The following CRNKL1 variants were observed in gnomAD, a reference collection of about 807,000 sequenced individuals.
CRNKL1 encodes crooked neck-like protein 1.
CRNKL1 carries 35 observed loss-of-function variants against 103.7 expected under a neutral mutation model. That is an observed-to-expected ratio of 0.34 (90% CI 0.26 to 0.45). CRNKL1 has a LOEUF of 0.45. Among genes scored for constraint, CRNKL1 ranks in the 20% least tolerant of loss-of-function variants. The pLI is 1.00. For synonymous variants in CRNKL1, 267 were observed against 282.6 expected (o/e 0.94, Z 0.55); for missense variants, 645 against 836.0 (o/e 0.77, Z 2.82).
At chr20:20,054,013 G>GT (rs1239349657), upstream of CRNKL1, among the ~76,000 whole-genome samples, 674 of 59,052 alleles carry the variant, frequency 0.011, no homozygotes, top group Middle Eastern at 0.036. Context: ...TTTTTTGTTT[G>GT]TTTTTTTTTT....
chr20:20,039,159 A>G (rs2043470908), intron 11 of CRNKL1, among the ~76,000 whole-genome samples: 1 of 152,202 alleles, frequency 6.6e-6, no homozygotes, highest in Non-Finnish European at 1.5e-5. Context: ...TTGTGGGTCA[A>G]GCTTAACTAC....
chr20:20,038,900 G>T (rs573929771), intron 11 of CRNKL1, among the ~76,000 whole-genome samples: 1 of 152,290 alleles, frequency 6.6e-6, no homozygotes, highest in Non-Finnish European at 1.5e-5. Context: ...CACTGGCTCG[G>T]TGCAGCCTGG....
At chr20:20,040,330 CAA>C (rs781058387) in intron 10 of CRNKL1, among the ~76,000 whole-genome samples, 9 of 79,240 alleles carry the variant, frequency 1.1e-4, no homozygotes, top group East Asian at 3.2e-4. Flanking sequence ...ACCAAACAAA[CAA>C]AAAAAAAAAA....
intron 8 of CRNKL1, among the ~76,000 whole-genome samples, chr20:20,042,023 A>G (rs1397908360): frequency 6.6e-6 from 1 of 152,240 alleles, no homozygotes; most frequent in Non-Finnish European, 1.5e-5. Flanking sequence ...AATCCAGGAA[A>G]CTATATTTCA....
In CRNKL1 at chr20:20,047,865, G is replaced by C; in HGVS notation, c.522C>G (p.Arg174=). Residue 174 remains arginine, a synonymous_variant, in exon 5 of 14, where the codon CGC becomes CGG. Coordinates refer to ENST00000536226, the MANE Select transcript of CRNKL1 (RefSeq NM_001278628.2). ...GCTCCTCAGGCTGCCACTCCATCCA[G>C]CGCTCAAACACCTGCCGGGCACCGG... ...NVAGARQVFE[R]WMEWQPEEQA... is the part of the protein sequence containing the mutation. The C allele has an allele frequency of 1.2e-6, 2 of 1,614,234 alleles. No individual in the cohort carries two copies.
chr20:20,040,825 T>A, intron 9 of CRNKL1, 59 bp from the exon 10 acceptor site: 1 of 1,191,096 alleles, frequency 8.4e-7, no homozygotes. Context: ...TTAAATTGAA[T>A]TAAAATTAAT....
At position 20,052,367 on chromosome 20, in the gene CRNKL1, A is replaced by G. The variant is rs1405698662; in HGVS notation, c.-25T>C. ...TGTCTGCAGCAGTCGACCTCTGGACACCTGTCCCCGGCACGGACGCTAGAA... is the reference window on the plus strand; with the variant it reads ...TGTCTGCAGCAGTCGACCTCTGGACGCCTGTCCCCGGCACGGACGCTAGAA... On this transcript the variant is annotated 5_prime_UTR_variant, in exon 1 of 14. Transcript: ENST00000536226. 2 of 1,613,972 alleles carry G rather than the reference A, an allele frequency of 1.2e-6. No homozygotes were observed. The highest frequency in any genetic ancestry group is 1.7e-5 in the Admixed American group (1 of 60,016).
Position 20,039,853 on chromosome 20 carries a change from A to G in CRNKL1, c.1306-5T>C. ...ACATTTGCCTATGGAAGTTCCCTGG[A>G]AAATAAAATAACCAGACCACTGTGA... On this transcript the variant is annotated splice_region_variant and splice_polypyrimidine_tract_variant and intron_variant, in intron 10 of 13. Transcript: ENST00000536226. 2 of 1,612,808 alleles carry G rather than the reference A, an allele frequency of 1.2e-6. No individual in the cohort carries two copies. The highest frequency in any genetic ancestry group is 1.7e-6 in the Non-Finnish European group (2 of 1,179,658).
At chr20:20,048,321 T>C (rs1402027937) in intron 4 of CRNKL1, 22 bp downstream of exon 4, 3 of 1,613,142 alleles carry the variant, frequency 1.9e-6, no homozygotes, top group Non-Finnish European at 2.5e-6. Context: ...TAAAAGGCTG[T>C]TTTGTTAGAT....
upstream of CRNKL1, chr20:20,052,538 C>T (rs1483334829): frequency 1.2e-6 from 2 of 1,614,226 alleles, no homozygotes; most frequent in South Asian, 1.1e-5. Context: ...GACCAGGCTG[C>T]GCGTCCTCCT....
intron 11 of CRNKL1, among the ~76,000 whole-genome samples, chr20:20,039,238 C>T (rs1457481047): frequency 6.6e-6 from 1 of 152,196 alleles, no homozygotes; most frequent in Non-Finnish European, 1.5e-5. Context: ...TTAGAGAATA[C>T]AGGGATGTGC....
upstream of CRNKL1, among the ~76,000 whole-genome samples, chr20:20,054,000 G>GTGT (rs1555825891): frequency 2.0e-5 from 2 of 99,432 alleles, no homozygotes; most frequent in African/African-American, 7.4e-5. Context: ...CTCTGTGTGT[G>GTGT]TTTTTTTTGT....
Position 20,037,199 on chromosome 20 carries a change from T to TA in CRNKL1, c.1896+123dup, listed in dbSNP as rs1418177380. On this transcript the variant is annotated intron_variant, in intron 13 of 13. Coordinates refer to ENST00000536226, the MANE Select transcript of CRNKL1 (RefSeq NM_001278628.2). ...TAACAGCCAGATTGCAACCATCTCCTACTCCAGGTGGTCTGCTTCCATTCT... is the reference window on the plus strand; with the variant it reads ...TAACAGCCAGATTGCAACCATCTCCTAACTCCAGGTGGTCTGCTTCCATTCT... The TA allele has an allele frequency of 3.0e-5, 34 of 1,144,750 alleles. No homozygotes were observed. The Admixed American group carries it at 7.5e-4, about 25-fold the overall frequency. 70.9% of individuals were successfully genotyped at this position (1,144,750 alleles called of 1,614,324 possible).
chr20:20,038,322 G>T, intron 12 of CRNKL1, 27 bp downstream of exon 12: 1 of 1,394,698 alleles, frequency 7.2e-7, no homozygotes, highest in Non-Finnish European at 9.9e-7. Flanking sequence ...CAAGCAAAAT[G>T]AAAGATCATC....
rs1188913656 is a variant in CRNKL1, at chr20:20,035,097, A to G, written c.*1098T>C. 6.6e-6 allele frequency: 1 copy of G among 152,190 alleles called. No individual in the cohort carries two copies. The highest frequency in any genetic ancestry group is 2.4e-5 in the African/African-American group (1 of 41,446). 9.4% of individuals were successfully genotyped at this position (152,190 alleles called of 1,614,324 possible). On this transcript the variant is annotated 3_prime_UTR_variant, in exon 14 of 14. Transcript: ENST00000536226. ...ATTCTTGTGCTACTCTTCATTATTTAGCATAGAGCTACCTTAGGTGTTTCT... is the reference window on the plus strand; with the variant it reads ...ATTCTTGTGCTACTCTTCATTATTTGGCATAGAGCTACCTTAGGTGTTTCT...
chr20:20,054,794 C>T (rs552645191), upstream of CRNKL1, among the ~76,000 whole-genome samples: 27 of 152,248 alleles, frequency 1.8e-4, 1 homozygote, highest in Admixed American at 7.8e-4. Flanking sequence ...TTGTCAGGTT[C>T]CTTTAAAGTT....
intron 13 of CRNKL1, among the ~76,000 whole-genome samples, chr20:20,036,789 C>G (rs1244451096): frequency 2.0e-5 from 3 of 152,226 alleles, no homozygotes; most frequent in Non-Finnish European, 2.9e-5. Flanking sequence ...AAATATTGTT[C>G]TAACAGGCCC....
At chr20:20,051,841 T>C (rs1330124683) in intron 1 of CRNKL1, among the ~76,000 whole-genome samples, 1 of 152,194 alleles carries the variant, frequency 6.6e-6, no homozygotes, top group Non-Finnish European at 1.5e-5. Context: ...CCTTCAAGTC[T>C]CAGCTTAAAG....
At chr20:20,049,032 T>C (rs185657633) in intron 3 of CRNKL1, among the ~76,000 whole-genome samples, 19 of 111,816 alleles carry the variant, frequency 1.7e-4, no homozygotes, top group African/African-American at 7.0e-4. Context: ...TGGTTTTATT[T>C]TTTTTGGCCA....
Sources: allele counts gnomAD v4.1 joint callset (sites outside exome capture counted in the v4.1 genomes callset), GRCh38; gene constraint gnomAD v4.1.1; transcripts MANE v1.5; gene names NCBI Gene and HGNC (gene_info 2026-07-23, HGNC 2026-07-21).